C1GALT1C1: variants seen among roughly 807,000 people sequenced by gnomAD.
C1GALT1C1 encodes the protein C1GALT1-specific chaperone 1.
For missense variants in C1GALT1C1, 176 were observed against 234.7 expected (o/e 0.75, Z 1.63); for synonymous variants, 77 against 77.9 (o/e 0.99, Z 0.06).
intron 1 of C1GALT1C1, among the ~76,000 whole-genome samples, chrX:120,628,575 T>C (rs896133766): frequency 8.9e-6 from 1 of 112,402 alleles, no homozygotes; most frequent in African/African-American, 3.2e-5. Flanking sequence ...ATGGTTTTTT[T>C]CCATTACAGA....
At chrX:120,628,306 T>G (rs981737210) in intron 1 of C1GALT1C1, among the ~76,000 whole-genome samples, 1 of 112,494 alleles carries the variant, frequency 8.9e-6, no homozygotes, top group African/African-American at 3.2e-5. Flanking sequence ...AAAAATTGTA[T>G]GTTAACCATT....
chrX:120,627,251 C>T (rs1301739599), intron 1 of C1GALT1C1, 80 bp from the exon 2 acceptor site: 11 of 752,275 alleles, frequency 1.5e-5, no homozygotes, highest in Non-Finnish European at 2.0e-5. Flanking sequence ...TCCTTATATA[C>T]TTACATTTTG....
chrX:120,626,735 G>T lies in C1GALT1C1; in HGVS notation c.432C>A (p.Arg144=), dbSNP rs1189015184. The part of the protein sequence containing the change: ...RDQYNWFFLA[R]PTTFAIIENL... ...TTTCAATGATAGCAAACGTAGTGGG[G>T]CGTGCAAGGAAGAACCAGTTGTATT... The change falls in exon 2 of 2, where the codon CGC becomes CGA. Residue 144 remains arginine (R), a synonymous_variant. Transcript: ENST00000304661. 12 of 1,209,887 alleles carry T rather than the reference G, an allele frequency of 9.9e-6. No homozygotes were observed. Among genetic ancestry groups the T allele is most frequent in the Middle Eastern group, 4.6e-4 (2 of 4,375 alleles).
Position 120,627,042 on chromosome X carries a change from T to C in C1GALT1C1, c.125A>G (p.His42Arg). ...TTCTTTGTTAGGAGCTTGTAGGTGA[T>C]GATGCTCATGGTGGTGCATTCTATT... ...HGNRMHHHEH[H>R]HLQAPNKEDI... is the part of the protein sequence containing the mutation. Residue 42 changes from histidine (H) to arginine (R), a missense_variant, in exon 2 of 2, where the codon CAT (histidine) becomes CGT (arginine). By Grantham distance (29) the His-to-Arg change is conservative. Coordinates refer to ENST00000304661, the MANE Select transcript of C1GALT1C1 (RefSeq NM_001011551.3). 8.3e-7 allele frequency: 1 copy of C among 1,211,115 alleles called. No individual in the cohort carries two copies.
intron 1 of C1GALT1C1, among the ~76,000 whole-genome samples, chrX:120,628,841 G>C (rs892332571): frequency 1.8e-5 from 2 of 111,816 alleles, no homozygotes; most frequent in African/African-American, 6.5e-5. Context: ...GGTGGGGCAA[G>C]AGGCAGGAAG....
intron 1 of C1GALT1C1, 141 bp from the exon 2 acceptor site, chrX:120,627,312 C>T: frequency 2.5e-6 from 1 of 393,689 alleles, no homozygotes; most frequent in Non-Finnish European, 4.1e-6. Context: ...AAGTTAGTTG[C>T]ATATAGTACA....
intron 1 of C1GALT1C1, chrX:120,627,375 A>C: frequency 3.4e-6 from 1 of 291,020 alleles, no homozygotes; most frequent in Non-Finnish European, 6.0e-6. Flanking sequence ...TGTTTGGTAT[A>C]AACTGGAACT....
At chrX:120,628,828 G>C (rs1927259425) in intron 1 of C1GALT1C1, among the ~76,000 whole-genome samples, 1 of 111,832 alleles carries the variant, frequency 8.9e-6, no homozygotes, top group Non-Finnish European at 1.9e-5. Flanking sequence ...TTTCTGAGCG[G>C]TGGGTGGGGC....
rs1171814411 is a variant in C1GALT1C1, at chrX:120,626,912, T to C, written c.255A>G (p.Ala85=). The C allele has an allele frequency of 1.7e-5, 20 of 1,211,967 alleles. No individual in the cohort carries two copies. The highest frequency in any genetic ancestry group is 2.2e-5 in the Non-Finnish European group (20 of 895,579). ...VKPKDVSLWA[A]VKETWTKHCD... ...AGTGTTTGGTCCAAGTCTCCTTTAC[T>C]GCAGCCCAAAGACTCACATCTTTGG... The change falls in exon 2 of 2, where the codon GCA becomes GCG. Residue 85 remains alanine, a synonymous_variant. Coordinates refer to ENST00000304661, the MANE Select transcript of C1GALT1C1 (RefSeq NM_001011551.3).
chrX:120,628,547 T>C (rs144996729), intron 1 of C1GALT1C1, among the ~76,000 whole-genome samples: 2,202 of 112,198 alleles, frequency 0.02, 26 homozygotes, highest in Non-Finnish European at 0.033. Context: ...AGAAACCACA[T>C]TTCTCAATAT....
rs376116332 is a variant in C1GALT1C1 at position 120,628,058 on chromosome X, G to C, written c.-5-887C>G. On this transcript the variant is annotated intron_variant, in intron 1 of 1. Coordinates refer to ENST00000304661, the MANE Select transcript of C1GALT1C1 (RefSeq NM_001011551.3). ...GTTCGAGACCAGCCTGGGCAACATGGTGAAACCTTGTCTCTACCCAAAATC... is the reference window on the plus strand; with the variant it reads ...GTTCGAGACCAGCCTGGGCAACATGCTGAAACCTTGTCTCTACCCAAAATC... 2.5e-3 allele frequency among the ~76,000 whole-genome samples: 282 copies of C among 110,831 alleles called. 1 individual carries two copies. The highest frequency in any genetic ancestry group is 8.9e-3 in the African/African-American group (271 of 30,506).
intron 1 of C1GALT1C1, 43 bp from the exon 2 acceptor site, chrX:120,627,214 G>A (rs779319811): frequency 2.1e-6 from 2 of 954,044 alleles, no homozygotes; most frequent in South Asian, 3.3e-5. Flanking sequence ...AATAGAAAAA[G>A]ATTAGTCTAT....
chrX:120,628,230 A>G (rs774108453), intron 1 of C1GALT1C1, among the ~76,000 whole-genome samples: 1 of 112,090 alleles, frequency 8.9e-6, no homozygotes, highest in East Asian at 2.8e-4. Flanking sequence ...TCAGAGTGAG[A>G]CTCTGTCTCA....
chrX:120,628,163 T>C (rs1927239062), intron 1 of C1GALT1C1, among the ~76,000 whole-genome samples: 1 of 111,572 alleles, frequency 9.0e-6, no homozygotes, highest in Non-Finnish European at 1.9e-5. Context: ...TCTCTTGAAC[T>C]TGGGAAGCGG....
At position 120,627,008 on chromosome X, in the gene C1GALT1C1, C is replaced by T. The variant is rs1271074701; in HGVS notation, c.159G>A (p.Leu53=). The T allele has an allele frequency of 2.5e-6, 3 of 1,210,987 alleles. No individual in the cohort carries two copies. Among genetic ancestry groups the T allele is most frequent in the Non-Finnish European group, 3.4e-6 (3 of 895,350 alleles). ...CCATGCGCTCATCCTCTGAAATTTT[C>T]AAGATATCTTCTTTGTTAGGAGCTT... ...HLQAPNKEDI[L]KISEDERMEL... Residue 53 remains leucine (L), a synonymous_variant, in exon 2 of 2, where the codon TTG becomes TTA. Coordinates refer to ENST00000304661, the MANE Select transcript of C1GALT1C1 (RefSeq NM_001011551.3).
At chrX:120,629,096 A>C (rs1489112015) in intron 1 of C1GALT1C1, among the ~76,000 whole-genome samples, 1 of 110,337 alleles carries the variant, frequency 9.1e-6, no homozygotes, top group East Asian at 2.8e-4. Flanking sequence ...GCATGGTGGC[A>C]TATGACTGTA....
intron 1 of C1GALT1C1, among the ~76,000 whole-genome samples, chrX:120,628,169 AG>A (rs776746403): frequency 8.9e-6 from 1 of 111,900 alleles, no homozygotes; most frequent in East Asian, 2.8e-4. Context: ...GAACTTGGGA[AG>A]CGGAGGCTGT....
At chrX:120,627,352 G>A in intron 1 of C1GALT1C1, 181 bp from the exon 2 acceptor site, 1 of 313,205 alleles carries the variant, frequency 3.2e-6, no homozygotes, top group African/African-American at 2.7e-5. Context: ...AGCTTCCAAT[G>A]GAATCTGATT....
chrX:120,627,012 A>G lies in C1GALT1C1; in HGVS notation c.155T>C (p.Ile52Thr), dbSNP rs756889624. ...GCGCTCATCCTCTGAAATTTTCAAGATATCTTCTTTGTTAGGAGCTTGTAG... is the reference window on the plus strand; with the variant it reads ...GCGCTCATCCTCTGAAATTTTCAAGGTATCTTCTTTGTTAGGAGCTTGTAG... Reference protein sequence around the residue: ...HHLQAPNKEDILKISEDERME... With the variant: ...HHLQAPNKEDTLKISEDERME... Residue 52 changes from isoleucine (I) to threonine (T), a missense_variant, in exon 2 of 2, where the codon ATC becomes ACC. By Grantham distance (89) the Ile-to-Thr change is moderately conservative. Transcript: ENST00000304661. The G allele has an allele frequency of 7.4e-6, 9 of 1,209,202 alleles. No individual in the cohort carries two copies. The African/African-American group carries it at 1.2e-4, about 17-fold the overall frequency.
Sources: allele counts gnomAD v4.1 joint callset (sites outside exome capture counted in the v4.1 genomes callset), GRCh38; gene constraint gnomAD v4.1.1; transcripts MANE v1.5; gene names NCBI Gene and HGNC (gene_info 2026-07-23, HGNC 2026-07-21).